CLVS1: variants seen among roughly 807,000 people sequenced by gnomAD.
CLVS1 encodes the protein clavesin-1.
Under a neutral mutation model 33.1 loss-of-function variants are expected in CLVS1, and 10 were observed. The ratio of observed to expected loss-of-function variants is 0.30; its 90% CI spans 0.19 to 0.51. CLVS1 has a LOEUF of 0.51. CLVS1 is among the 20% of genes least tolerant of loss of function. The pLI, the probability that CLVS1 is intolerant of heterozygous loss-of-function variation, is 0.97. For synonymous variants in CLVS1, 163 were observed against 166.1 expected, an observed-to-expected ratio of 0.98 and a Z score of 0.14; for missense variants, 343 against 433.4, an observed-to-expected ratio of 0.79 and a Z score of 1.85.
chr8:61,358,718 G>C (rs1374156074), intron 2 of CLVS1, among the ~76,000 whole-genome samples: 1 of 152,180 alleles, frequency 6.6e-6, no homozygotes, highest in African/African-American at 2.4e-5. Context: ...CAGAGTATTA[G>C]AGAAAGAGCA....
At chr8:61,478,056 G>A (rs533521684) in intron 5 of CLVS1, among the ~76,000 whole-genome samples, 1 of 152,126 alleles carries the variant, frequency 6.6e-6, no homozygotes, top group Admixed American at 6.5e-5. Flanking sequence ...CTTTACTTCT[G>A]CCTTCATTTC....
At chr8:61,289,865 T>C (rs952890205) in intron 1 of CLVS1, among the ~76,000 whole-genome samples, 1 of 152,234 alleles carries the variant, frequency 6.6e-6, no homozygotes, top group Non-Finnish European at 1.5e-5. Flanking sequence ...ACTAATTATA[T>C]AGACATAATT....
chr8:61,228,953 A>G (rs1255074480), intron 2 of CLVS1, among the ~76,000 whole-genome samples: 1 of 152,164 alleles, frequency 6.6e-6, no homozygotes, highest in Non-Finnish European at 1.5e-5. Flanking sequence ...TTCTATTTTT[A>G]AAGGAACCAC....
At chr8:61,293,979 G>A (rs1810095121) in intron 1 of CLVS1, among the ~76,000 whole-genome samples, 1 of 152,106 alleles carries the variant, frequency 6.6e-6, no homozygotes, top group Non-Finnish European at 1.5e-5. Context: ...TTGAAGTGTT[G>A]TTCAGCAGTT....
intron 1 of CLVS1, among the ~76,000 whole-genome samples, chr8:61,068,370 G>A (rs1188584649): frequency 2.6e-5 from 4 of 151,758 alleles, no homozygotes; most frequent in African/African-American, 7.3e-5. Flanking sequence ...AGAGCTGTGT[G>A]AGTTAGGCCC....
chr8:61,447,680 T>C (rs1198240992), intron 3 of CLVS1, among the ~76,000 whole-genome samples: 1 of 152,056 alleles, frequency 6.6e-6, no homozygotes, highest in African/African-American at 2.4e-5. Flanking sequence ...ATTTATAATA[T>C]AATTGTCTTA....
intron 3 of CLVS1, among the ~76,000 whole-genome samples, chr8:61,385,564 G>A (rs1814048782): frequency 6.6e-6 from 1 of 152,200 alleles, no homozygotes; most frequent in Non-Finnish European, 1.5e-5. Context: ...AAAAAAAAGA[G>A]GAGAGGAGGG....
chr8:61,477,849 T>G (rs980822646), intron 5 of CLVS1, among the ~76,000 whole-genome samples: 1 of 152,226 alleles, frequency 6.6e-6, no homozygotes, highest in Non-Finnish European at 1.5e-5. Context: ...AGCTTTTGAA[T>G]GTGTTAGCTC....
At chr8:61,133,974 G>A (rs72654640) in intron 2 of CLVS1, among the ~76,000 whole-genome samples, 3 of 152,216 alleles carry the variant, frequency 2.0e-5, no homozygotes, top group Non-Finnish European at 4.4e-5. Flanking sequence ...GAGTGGTTGG[G>A]TATGAGAGGT....
At chr8:61,122,819 T>C in intron 1 of CLVS1, among the ~76,000 whole-genome samples, 1 of 146,074 alleles carries the variant, frequency 6.8e-6, no homozygotes, top group Admixed American at 7.3e-5. Context: ...GCTCTCTGGC[T>C]CCTTTGCTGA....
At chr8:61,296,738 T>A (rs908823735) in intron 1 of CLVS1, among the ~76,000 whole-genome samples, 1 of 152,222 alleles carries the variant, frequency 6.6e-6, no homozygotes, top group Non-Finnish European at 1.5e-5. Flanking sequence ...TTTATTCATG[T>A]ATTCTAGGTC....
chr8:61,077,447 T>G (rs546144652), intron 1 of CLVS1, among the ~76,000 whole-genome samples: 349 of 16,256 alleles, frequency 0.021, 4 homozygotes, highest in Non-Finnish European at 0.042. Flanking sequence ...AAAAGTATTA[T>G]TATTATTATT....
intron 2 of CLVS1, among the ~76,000 whole-genome samples, chr8:61,315,317 G>A (rs1810973000): frequency 6.6e-6 from 1 of 152,136 alleles, no homozygotes. Flanking sequence ...AGGATGTATT[G>A]GGGAGGGGGA....
intron 3 of CLVS1, among the ~76,000 whole-genome samples, chr8:61,393,809 G>T (rs1217943041): frequency 6.6e-6 from 1 of 152,198 alleles, no homozygotes; most frequent in Admixed American, 6.5e-5. Flanking sequence ...AGTGGAGGTG[G>T]CAGGGGAGTG....
rs1412598854 is a variant in CLVS1, at chr8:61,261,996, G to GTA, written c.-151-37680_-151-37679insAT. Among the ~76,000 whole-genome samples, 614 of 140,778 alleles carry GTA rather than the reference G, an allele frequency of 4.4e-3. 9 individuals carry two copies. Among genetic ancestry groups the GTA allele is most frequent in the Middle Eastern group, 0.014 (4 of 280 alleles). 92.4% of individuals were successfully genotyped at this position (140,778 alleles called of 152,430 possible). A position where few individuals can be genotyped will look rare whatever the true frequency, so the allele number is the denominator to read the frequency against. The stretch of plus-strand genomic sequence containing the variant: ...GCTGCGTGTGTGTGTGTGTGTGTGT[G>GTA]TGTGTGTGTGTGTGTGTGTGTGTGT... On this transcript the variant is annotated intron_variant, in intron 2 of 2. Coordinates refer to the CLVS1 transcript ENST00000522621.
chr8:61,322,247 GTTC>G (rs1811218375), intron 2 of CLVS1, among the ~76,000 whole-genome samples: 1 of 152,130 alleles, frequency 6.6e-6, no homozygotes, highest in Non-Finnish European at 1.5e-5. Flanking sequence ...AAACAGATGT[GTTC>G]TTCTCTAATA....
the CLVS1 span, among the ~76,000 whole-genome samples, chr8:61,001,562 T>C: frequency 2.0e-5 from 3 of 152,348 alleles, no homozygotes; most frequent in South Asian, 6.2e-4. Flanking sequence ...CAAATATTAG[T>C]CTTTAGAGCT....
chr8:61,273,665 C>T (rs1370366950), intron 2 of CLVS1, among the ~76,000 whole-genome samples: 5 of 152,318 alleles, frequency 3.3e-5, no homozygotes, highest in African/African-American at 9.6e-5. Flanking sequence ...TAGGACCCTC[C>T]GAGCCAGGTG....
chr8:61,379,876 AGTCACT>A (rs1229879962), intron 3 of CLVS1, among the ~76,000 whole-genome samples: 6 of 152,174 alleles, frequency 3.9e-5, no homozygotes, highest in African/African-American at 1.4e-4. Flanking sequence ...CACAGCGCTC[AGTCACT>A]GTGTGCTGGC....
Sources: gnomAD v4.1 joint callset for allele counts (sites outside exome capture counted in the v4.1 genomes callset) on GRCh38, gnomAD v4.1.1 for gene constraint, MANE v1.5 for transcripts, NCBI Gene and HGNC (gene_info 2026-07-23, HGNC 2026-07-21) for gene names.